Variants in PRR5L observed in about 807,000 individuals in gnomAD.
PRR5L encodes the protein proline rich 5 like.
PRR5L carries 21 observed loss-of-function variants against 36.4 expected under a neutral mutation model. The observed-to-expected ratio is 0.58, with a 90% CI of 0.41 to 0.83. The LOEUF (loss-of-function observed/expected upper bound fraction) is 0.83. Among genes scored for constraint, PRR5L ranks in the 40% least tolerant of loss-of-function variants. The pLI is 0.00. For missense variants in PRR5L, 381 were observed against 473.3 expected, an observed-to-expected ratio of 0.80 and a Z score of 1.81; for synonymous variants, 188 against 197.0, an observed-to-expected ratio of 0.95 and a Z score of 0.38.
chr11:36,315,204 T>C (rs1399902550), intron 1 of PRR5L, among the ~76,000 whole-genome samples: 1 of 152,180 alleles, frequency 6.6e-6, no homozygotes, highest in Non-Finnish European at 1.5e-5. Flanking sequence ...GTAATCATAC[T>C]TATTTATGAC....
chr11:36,384,818 A>G (rs1857429150), intron 1 of PRR5L, among the ~76,000 whole-genome samples: 1 of 148,526 alleles, frequency 6.7e-6, no homozygotes, highest in Non-Finnish European at 1.5e-5. Flanking sequence ...GACTACAGGC[A>G]TGTACCACCA....
At chr11:36,351,724 TA>T (rs1461223556) in intron 1 of PRR5L, among the ~76,000 whole-genome samples, 36 of 109,864 alleles carry the variant, frequency 3.3e-4, no homozygotes, top group South Asian at 1.4e-3. Flanking sequence ...TATATTTATA[TA>T]TTTTTTATAT....
chr11:36,455,902 C>T (rs1859047711), intron 8 of PRR5L, among the ~76,000 whole-genome samples: 1 of 152,316 alleles, frequency 6.6e-6, no homozygotes, highest in Admixed American at 6.5e-5. Flanking sequence ...CTCAACACAG[C>T]CTTGCGGTCC....
At chr11:36,392,471 C>T (rs1448300431) in intron 1 of PRR5L, among the ~76,000 whole-genome samples, 1 of 152,108 alleles carries the variant, frequency 6.6e-6, no homozygotes, top group South Asian at 2.1e-4. Flanking sequence ...ACATCCTCAC[C>T]GGCATTTGCT....
chr11:36,438,934 C>T (rs963019711), intron 6 of PRR5L, among the ~76,000 whole-genome samples: 8 of 151,690 alleles, frequency 5.3e-5, no homozygotes, highest in Admixed American at 5.3e-4. Context: ...AACCCTGTCT[C>T]GAAATAAATA....
chr11:36,422,416 A>G (rs974946623), intron 4 of PRR5L, among the ~76,000 whole-genome samples: 8 of 152,098 alleles, frequency 5.3e-5, no homozygotes, highest in African/African-American at 1.9e-4. Context: ...AAAACCATGG[A>G]CCTGGCTGTT....
intron 2 of PRR5L, among the ~76,000 whole-genome samples, chr11:36,401,761 C>T (rs1857803207): frequency 1.3e-5 from 2 of 152,122 alleles, no homozygotes; most frequent in Non-Finnish European, 2.9e-5. Flanking sequence ...TAATATCCAG[C>T]GTGTCTGTTA....
intron 1 of PRR5L, among the ~76,000 whole-genome samples, chr11:36,380,054 G>A (rs1021300554): frequency 5.3e-5 from 8 of 152,028 alleles, no homozygotes; most frequent in Non-Finnish European, 1.5e-5. Context: ...GCCTTCCATG[G>A]AGAACCCAGG....
intron 1 of PRR5L, among the ~76,000 whole-genome samples, chr11:36,388,823 G>C (rs1055582584): frequency 6.7e-6 from 1 of 150,176 alleles, no homozygotes; most frequent in Non-Finnish European, 1.5e-5. Context: ...CTCAGCCTCC[G>C]GAGTAGCTGG....
intron 2 of PRR5L, among the ~76,000 whole-genome samples, chr11:36,401,698 G>T (rs143539357): frequency 6.6e-6 from 1 of 152,140 alleles, no homozygotes; most frequent in South Asian, 2.1e-4. Context: ...CTTCCAAAGC[G>T]CTGGGATTAT....
intron 1 of PRR5L, among the ~76,000 whole-genome samples, chr11:36,378,559 A>G (rs1857316735): frequency 6.6e-6 from 1 of 152,212 alleles, no homozygotes; most frequent in Non-Finnish European, 1.5e-5. Context: ...TATTTCTCAA[A>G]GGCTTAGTTT....
At chr11:36,371,250 G>A (rs1857194608) in intron 1 of PRR5L, among the ~76,000 whole-genome samples, 1 of 152,154 alleles carries the variant, frequency 6.6e-6, no homozygotes, top group African/African-American at 2.4e-5. Context: ...GCAGAAGGAG[G>A]GCAAACTTTT....
chr11:36,388,720 A>C (rs1857504266), intron 1 of PRR5L, among the ~76,000 whole-genome samples: 1 of 40,776 alleles, frequency 2.5e-5, no homozygotes, highest in African/African-American at 5.6e-5. Flanking sequence ...TTTTTTTGAG[A>C]CGGAGTCTCG....
chr11:36,374,763 A>G (rs1857236544), intron 1 of PRR5L, among the ~76,000 whole-genome samples: 1 of 152,210 alleles, frequency 6.6e-6, no homozygotes, highest in South Asian at 2.1e-4. Context: ...CAGAGCTACT[A>G]CTTTTATCCC....
In PRR5L at chr11:36,351,499, ATT is replaced by A. The variant is rs372773533; in HGVS notation, c.-125-49494_-125-49493del. Among the ~76,000 whole-genome samples, 26 of 12,840 alleles carry A rather than the reference ATT, an allele frequency of 2.0e-3. 5 individuals carry two copies. The highest frequency in any genetic ancestry group is 0.011 in the African/African-American group (24 of 2,236). The allele number at this position is 12,840 out of a possible 152,430, so 8.4% of individuals were successfully genotyped here. On this transcript the variant is annotated intron_variant, in intron 1 of 8. Coordinates refer to ENST00000530639, the MANE Select transcript of PRR5L (RefSeq NM_001160167.2). ...CATATATATTTATATATTTATATAT[ATT>A]TTTATATATTTATATATATTTATAT...
chr11:36,397,125 TGGC>T (rs1203700049), intron 1 of PRR5L, among the ~76,000 whole-genome samples: 44 of 150,528 alleles, frequency 2.9e-4, no homozygotes, highest in African/African-American at 1.1e-3. Flanking sequence ...TGGAGTGCAG[TGGC>T]ACGATCTTGG....
intron 1 of PRR5L, among the ~76,000 whole-genome samples, chr11:36,343,564 C>A (rs1178065150): frequency 1.3e-5 from 2 of 152,174 alleles, no homozygotes; most frequent in Non-Finnish European, 1.5e-5. Context: ...GTAGGAACCA[C>A]ATTATTTCTG....
At chr11:36,368,953 A>G (rs1857171841) in intron 1 of PRR5L, among the ~76,000 whole-genome samples, 1 of 152,228 alleles carries the variant, frequency 6.6e-6, no homozygotes. Flanking sequence ...TGAGACAAAA[A>G]TGTTTGACAA....
chr11:36,303,530 C>A (rs749730603), intron 1 of PRR5L, among the ~76,000 whole-genome samples: 5 of 152,188 alleles, frequency 3.3e-5, no homozygotes, highest in Non-Finnish European at 5.9e-5. Flanking sequence ...TGCAACTTGC[C>A]ATTTTCACTG....
Sources: gnomAD v4.1 joint callset for allele counts (sites outside exome capture counted in the v4.1 genomes callset) on GRCh38, gnomAD v4.1.1 for gene constraint, MANE v1.5 for transcripts, NCBI Gene and HGNC (gene_info 2026-07-23, HGNC 2026-07-21) for gene names.